The following ERBB4 variants were observed in gnomAD, a reference collection of about 807,000 sequenced individuals.
The protein encoded by ERBB4 is erb-b2 receptor tyrosine kinase 4, also known as receptor tyrosine-protein kinase erbB-4.
Under a neutral mutation model 158.0 loss-of-function variants are expected in ERBB4, and 42 were observed. The ratio of observed to expected loss-of-function variants is 0.27; its 90% CI spans 0.21 to 0.34. ERBB4 has a LOEUF of 0.34. Among genes scored for constraint, ERBB4 ranks in the 10% least tolerant of loss-of-function variants. The pLI, the probability that ERBB4 is intolerant of heterozygous loss-of-function variation, is 1.00. For missense variants in ERBB4, 1,333 were observed against 1,624.1 expected (o/e 0.82, Z 3.08); for synonymous variants, 583 against 558.7 (o/e 1.04, Z -0.61).
At chr2:212,473,970 T>C (rs1187020199) in intron 1 of ERBB4, among the ~76,000 whole-genome samples, 1 of 152,256 alleles carries the variant, frequency 6.6e-6, no homozygotes, top group East Asian at 1.9e-4. Context: ...AAGTACTTCA[T>C]AATAGCTAAC....
At chr2:211,582,533 A>G (rs1382579933) in intron 19 of ERBB4, among the ~76,000 whole-genome samples, 1 of 152,190 alleles carries the variant, frequency 6.6e-6, no homozygotes, top group Admixed American at 6.5e-5. Flanking sequence ...ATTATTAGAA[A>G]ATGTTTCTGT....
At chr2:211,591,590 G>T (rs1169332879) in intron 19 of ERBB4, among the ~76,000 whole-genome samples, 1 of 152,172 alleles carries the variant, frequency 6.6e-6, no homozygotes, top group Non-Finnish European at 1.5e-5. Flanking sequence ...GGCAGAGTAA[G>T]CACTCTGTTC....
intron 3 of ERBB4, among the ~76,000 whole-genome samples, chr2:211,856,386 T>C (rs2106052532): frequency 6.8e-6 from 1 of 147,080 alleles, no homozygotes; most frequent in African/African-American, 2.5e-5. Context: ...ATTTATTTAT[T>C]TATTTATTTA....
At chr2:211,905,963 G>C (rs1005795269) in intron 3 of ERBB4, among the ~76,000 whole-genome samples, 41 of 151,806 alleles carry the variant, frequency 2.7e-4, no homozygotes, top group African/African-American at 8.7e-4. Context: ...GGACAGTATG[G>C]CTGGAATGCA....
chr2:211,404,717 A>G (rs947359112), intron 25 of ERBB4, among the ~76,000 whole-genome samples: 2 of 152,140 alleles, frequency 1.3e-5, no homozygotes, highest in African/African-American at 4.8e-5. Context: ...AAAATTATAC[A>G]ACAAAATCGA....
chr2:212,506,182 A>G (rs1392954482), intron 1 of ERBB4, among the ~76,000 whole-genome samples: 1 of 148,866 alleles, frequency 6.7e-6, no homozygotes, highest in Non-Finnish European at 1.5e-5. Context: ...GCCACAAATC[A>G]TACCCAAACT....
At position 212,000,769 on chromosome 2, in the gene ERBB4, A is replaced by G. The variant is rs62183380; in HGVS notation, c.235-53153T>C. On this transcript the variant is annotated intron_variant, in intron 2 of 27. Coordinates refer to ENST00000342788, the MANE Select transcript of ERBB4 (RefSeq NM_005235.3). ...TCTATAATTAGATAGAATCATGTAT[A>G]TATTTTAATTGGATATTATAGATAA... 3.6e-3 allele frequency among the ~76,000 whole-genome samples: 542 copies of G among 152,028 alleles called. 4 individuals carry two copies. The highest frequency in any genetic ancestry group is 6.8e-3 in the Middle Eastern group (2 of 294).
intron 1 of ERBB4, among the ~76,000 whole-genome samples, chr2:212,182,761 GTTTGT>G (rs1196709331): frequency 2.0e-5 from 3 of 151,534 alleles, no homozygotes; most frequent in Non-Finnish European, 3.0e-5. Context: ...GACTTGCTTT[GTTTGT>G]TTTGTTTTGT....
chr2:212,273,852 G>A (rs2085429671), intron 1 of ERBB4, among the ~76,000 whole-genome samples: 1 of 151,760 alleles, frequency 6.6e-6, no homozygotes, highest in Non-Finnish European at 1.5e-5. Context: ...TAGTGAGTAA[G>A]TGGTGGAGGC....
chr2:212,454,808 C>T (rs139112403), intron 1 of ERBB4, among the ~76,000 whole-genome samples: 1,652 of 152,200 alleles, frequency 0.011, 27 homozygotes, highest in African/African-American at 0.038. Context: ...GTTTCCACAT[C>T]AACAAAGTGA....
At chr2:211,413,750 A>C (rs2063320192) in intron 25 of ERBB4, among the ~76,000 whole-genome samples, 1 of 151,906 alleles carries the variant, frequency 6.6e-6, no homozygotes, top group South Asian at 2.1e-4. Flanking sequence ...TAGCTCAGCT[A>C]ATCTGGGTTT....
intron 1 of ERBB4, among the ~76,000 whole-genome samples, chr2:212,187,804 C>T (rs1202881342): frequency 6.6e-6 from 1 of 152,002 alleles, no homozygotes; most frequent in Non-Finnish European, 1.5e-5. Context: ...CAAATTATTT[C>T]AGAGACATGA....
intron 1 of ERBB4, among the ~76,000 whole-genome samples, chr2:212,216,774 G>C (rs745478081): frequency 1.3e-5 from 2 of 151,102 alleles, no homozygotes; most frequent in African/African-American, 2.4e-5. Flanking sequence ...CATGTTGCCC[G>C]GGGCTCACTC....
chr2:211,705,513 AT>A, intron 9 of ERBB4, 122 bp from the exon 10 acceptor site: 1 of 720,426 alleles, frequency 1.4e-6, no homozygotes, highest in Non-Finnish European at 2.5e-6. Context: ...TTATCAATGC[AT>A]GTTTAAATTA....
intron 25 of ERBB4, among the ~76,000 whole-genome samples, chr2:211,407,375 T>C (rs1378283088): frequency 6.6e-6 from 1 of 152,138 alleles, no homozygotes; most frequent in Non-Finnish European, 1.5e-5. Flanking sequence ...TGAATATGAA[T>C]TATGTATACC....
chr2:211,690,042 A>C lies in ERBB4; in HGVS notation c.1490-10858T>G, dbSNP rs375922398. 4.1e-4 allele frequency among the ~76,000 whole-genome samples: 61 copies of C among 148,488 alleles called. 1 individual carries two copies. In the South Asian group the frequency reaches 0.012, roughly 30 times the overall value. The stretch of plus-strand genomic sequence containing the variant: ...TATATATACACTTTATAGATATGAT[A>C]TATAAATATATATCAATGTAATATA... On this transcript the variant is annotated intron_variant, in intron 12 of 27. Coordinates refer to ENST00000342788, the MANE Select transcript of ERBB4 (RefSeq NM_005235.3).
chr2:212,458,961 T>C (rs1688439556), intron 1 of ERBB4, among the ~76,000 whole-genome samples: 1 of 152,184 alleles, frequency 6.6e-6, no homozygotes, highest in Non-Finnish European at 1.5e-5. Context: ...AATGAATGAA[T>C]GAGTTACATT....
At chr2:211,535,170 C>A (rs1443668675) in intron 20 of ERBB4, among the ~76,000 whole-genome samples, 2 of 151,744 alleles carry the variant, frequency 1.3e-5, no homozygotes, top group Admixed American at 6.6e-5. Context: ...TATGTGGCAC[C>A]TTTTGTGGCT....
intron 20 of ERBB4, among the ~76,000 whole-genome samples, chr2:211,548,130 T>C (rs568231047): frequency 6.6e-6 from 1 of 152,192 alleles, no homozygotes; most frequent in East Asian, 1.9e-4. Flanking sequence ...ATAGAGATTC[T>C]CTCTTACCCC....
Sources: allele counts gnomAD v4.1 joint callset (sites outside exome capture counted in the v4.1 genomes callset), GRCh38; gene constraint gnomAD v4.1.1; transcripts MANE v1.5; gene names NCBI Gene and HGNC (gene_info 2026-07-23, HGNC 2026-07-21).